The following SV2C variants were observed in gnomAD, a reference collection of about 807,000 sequenced individuals.
The protein encoded by SV2C is solute carrier family 22 member B3.
A neutral mutation model predicts 79.7 loss-of-function variants in SV2C; 49 were observed. The observed-to-expected ratio is 0.61, with a 90% CI of 0.49 to 0.78. SV2C has a LOEUF of 0.78. Among genes scored for constraint, SV2C ranks in the 30% least tolerant of loss-of-function variants. The pLI is 0.00. For missense variants in SV2C, 833 were observed against 912.9 expected (o/e 0.91, Z 1.13); for synonymous variants, 334 against 333.2 (o/e 1.00, Z -0.03).
intron 2 of SV2C, among the ~76,000 whole-genome samples, chr5:76,184,075 C>T (rs1042442810): frequency 2.0e-5 from 3 of 152,250 alleles, no homozygotes; most frequent in Non-Finnish European, 4.4e-5. Context: ...GAAATACTGT[C>T]ATCTGAACCC....
chr5:76,080,497 A>G (rs916986630), upstream of SV2C, among the ~76,000 whole-genome samples: 2 of 152,186 alleles, frequency 1.3e-5, no homozygotes, highest in Admixed American at 6.5e-5. Context: ...CTGACTACTA[A>G]AAGAGGAAGA....
intron 2 of SV2C, among the ~76,000 whole-genome samples, chr5:76,151,656 C>T (rs184365441): frequency 1.3e-5 from 2 of 152,254 alleles, no homozygotes; most frequent in Admixed American, 1.3e-4. Flanking sequence ...CCAGACCAGG[C>T]GTTATGCCTT....
At chr5:75,969,060 A>T in the SV2C span, among the ~76,000 whole-genome samples, 1 of 152,224 alleles carries the variant, frequency 6.6e-6, no homozygotes, top group African/African-American at 2.4e-5. Flanking sequence ...CCAGAATTTC[A>T]TACCCAGCCA....
intron 2 of SV2C, among the ~76,000 whole-genome samples, chr5:76,155,942 CAAAAAAAAAAAAA>C (rs56340029): frequency 2.0e-3 from 119 of 58,100 alleles, no homozygotes; most frequent in African/African-American, 6.9e-3. Context: ...AGGTTTCTCT[CAAAAAAAAAAAAA>C]AAAAAAAAAA....
intron 12 of SV2C, among the ~76,000 whole-genome samples, chr5:76,342,106 C>T (rs1037762748): frequency 6.6e-6 from 1 of 152,142 alleles, no homozygotes; most frequent in African/African-American, 2.4e-5. Flanking sequence ...GGGAGGGCCT[C>T]TGGCAGCCAG....
intron 2 of SV2C, among the ~76,000 whole-genome samples, chr5:76,171,796 C>T (rs1205631873): frequency 3.0e-3 from 298 of 100,270 alleles, no homozygotes; most frequent in Admixed American, 3.8e-3. Flanking sequence ...CCGCCCCGTC[C>T]GGGAGGTGAG....
intron 1 of SV2C, among the ~76,000 whole-genome samples, chr5:76,109,787 G>A (rs192211692): frequency 1.2e-4 from 18 of 152,298 alleles, no homozygotes; most frequent in African/African-American, 3.8e-4. Context: ...CAGAGGGAAC[G>A]TGGCTCTGCT....
chr5:76,212,710 G>A (rs963608080), intron 4 of SV2C, among the ~76,000 whole-genome samples: 2 of 152,066 alleles, frequency 1.3e-5, no homozygotes, highest in African/African-American at 4.8e-5. Context: ...GTGTGTCCGT[G>A]TGTCCACCAA....
At chr5:76,033,189 T>C in the SV2C span, among the ~76,000 whole-genome samples, 1 of 152,038 alleles carries the variant, frequency 6.6e-6, no homozygotes, top group Non-Finnish European at 1.5e-5. Context: ...TTCTCCCATT[T>C]TGTAGGTTGC....
the SV2C span, among the ~76,000 whole-genome samples, chr5:75,893,082 ATC>A: frequency 2.0e-5 from 3 of 152,060 alleles, no homozygotes; most frequent in Non-Finnish European, 1.5e-5. Context: ...CCTCACCAAC[ATC>A]TGTTATTTTT....
chr5:75,868,171 G>A, the SV2C span, among the ~76,000 whole-genome samples: 1 of 152,158 alleles, frequency 6.6e-6, no homozygotes, highest in African/African-American at 2.4e-5. Context: ...ATTTGCAAAG[G>A]CGTAGAAATT....
the SV2C span, among the ~76,000 whole-genome samples, chr5:75,890,459 G>T: frequency 1.3e-5 from 2 of 152,042 alleles, no homozygotes; most frequent in African/African-American, 4.8e-5. Flanking sequence ...GTGCTTACCT[G>T]CATACAATCC....
At chr5:76,254,499 C>T (rs963918501) in intron 4 of SV2C, among the ~76,000 whole-genome samples, 2 of 152,012 alleles carry the variant, frequency 1.3e-5, no homozygotes, top group African/African-American at 4.8e-5. Context: ...TCTTTTAGCC[C>T]TTATGAACTG....
At chr5:76,189,626 T>A (rs1175175377) in intron 2 of SV2C, among the ~76,000 whole-genome samples, 1 of 152,232 alleles carries the variant, frequency 6.6e-6, no homozygotes, top group Non-Finnish European at 1.5e-5. Context: ...CATCTTTGGA[T>A]GCAGAGTGAG....
the SV2C span, among the ~76,000 whole-genome samples, chr5:76,003,563 C>G: frequency 1.3e-5 from 2 of 152,070 alleles, no homozygotes; most frequent in Non-Finnish European, 2.9e-5. Flanking sequence ...GTTTTGTGTG[C>G]TTGTAAGGCT....
rs182881878 is a variant in SV2C at position 76,155,253 on chromosome 5, G to T, written c.580+22923G>T. 1.1e-4 allele frequency among the ~76,000 whole-genome samples: 16 copies of T among 152,298 alleles called. No homozygotes were observed. In the East Asian group the frequency reaches 2.9e-3, roughly 28 times the overall value. On this transcript the variant is annotated intron_variant, in intron 2 of 12. Coordinates refer to ENST00000502798, the MANE Select transcript of SV2C (RefSeq NM_014979.4). ...TGGCATAGTGAATTTGGGATGCCGA[G>T]ATTTTATTTTCCTTTCACCAGGCAT... is the stretch of plus-strand genomic sequence containing the variant.
At chr5:75,862,922 G>A in the SV2C span, among the ~76,000 whole-genome samples, 1 of 152,188 alleles carries the variant, frequency 6.6e-6, no homozygotes, top group Non-Finnish European at 1.5e-5. Flanking sequence ...CAGTGCAGTG[G>A]TTGGCTTCGG....
At chr5:76,192,716 A>G (rs963526378) in intron 2 of SV2C, among the ~76,000 whole-genome samples, 2 of 152,234 alleles carry the variant, frequency 1.3e-5, no homozygotes, top group South Asian at 2.1e-4. Context: ...TTTGTCTCCA[A>G]TAAGCTGTTG....
At chr5:75,920,955 G>C in the SV2C span, 250 of 719,072 alleles carry the variant, frequency 3.5e-4, 1 homozygote, top group Admixed American at 6.0e-4. Flanking sequence ...ATGATGGCCC[G>C]GCCCCTGAGG....
Sources: gnomAD v4.1 joint callset for allele counts (sites outside exome capture counted in the v4.1 genomes callset) on GRCh38, gnomAD v4.1.1 for gene constraint, MANE v1.5 for transcripts, NCBI Gene and HGNC (gene_info 2026-07-23, HGNC 2026-07-21) for gene names.